PTPRM: variants seen among roughly 807,000 people sequenced by gnomAD.
The protein encoded by PTPRM is receptor-type tyrosine-protein phosphatase mu.
A neutral mutation model predicts 186.7 loss-of-function variants in PTPRM; 47 were observed. The ratio of observed to expected loss-of-function variants is 0.25; its 90% confidence interval spans 0.20 to 0.32. The LOEUF is 0.32. Ranked by LOEUF, PTPRM falls within the 10% of genes least tolerant of loss-of-function variation. The pLI, the probability that PTPRM is intolerant of heterozygous loss-of-function variation, is 1.00. For missense variants in PTPRM, 1,494 were observed against 1,865.0 expected (o/e 0.80, Z 3.66); for synonymous variants, 668 against 674.9 (o/e 0.99, Z 0.16).
At chr18:7,747,734 C>T (rs983988064) in intron 1 of PTPRM, 1 of 152,152 alleles carries the variant, frequency 6.6e-6, no homozygotes, top group Non-Finnish European at 1.5e-5. Context: ...GTCCACCCTA[C>T]TTGATTATGT....
At chr18:7,597,875 T>C (rs1293803429) in intron 1 of PTPRM, among the ~76,000 whole-genome samples, 1 of 152,216 alleles carries the variant, frequency 6.6e-6, no homozygotes, top group Non-Finnish European at 1.5e-5. Flanking sequence ...GTGAAAAGCT[T>C]ACTCCCTAAA....
intron 18 of PTPRM, among the ~76,000 whole-genome samples, chr18:8,252,933 A>C (rs1219905516): frequency 6.6e-6 from 1 of 152,218 alleles, no homozygotes; most frequent in Non-Finnish European, 1.5e-5. Context: ...TTTCAGGTTG[A>C]AACTTTCACA....
intron 7 of PTPRM, among the ~76,000 whole-genome samples, chr18:8,067,831 T>A (rs2089200767): frequency 6.6e-6 from 1 of 152,186 alleles, no homozygotes; most frequent in African/African-American, 2.4e-5. Context: ...GACCCTCTCG[T>A]CTATAGAATT....
intron 14 of PTPRM, among the ~76,000 whole-genome samples, chr18:8,153,493 G>A (rs2093056602): frequency 1.3e-5 from 2 of 152,114 alleles, no homozygotes; most frequent in African/African-American, 2.4e-5. Flanking sequence ...AATCTTAAAA[G>A]GGTTGTCTTC....
At chr18:7,678,598 G>C (rs974024434) in intron 1 of PTPRM, among the ~76,000 whole-genome samples, 1 of 152,070 alleles carries the variant, frequency 6.6e-6, no homozygotes, top group Non-Finnish European at 1.5e-5. Flanking sequence ...GTATACAGAG[G>C]TATATAAATT....
intron 1 of PTPRM, among the ~76,000 whole-genome samples, chr18:7,654,594 G>A (rs572482621): frequency 7.2e-5 from 11 of 152,210 alleles, no homozygotes; most frequent in African/African-American, 2.4e-4. Context: ...TGAGTTTTAC[G>A]TTTAAAGTCT....
chr18:8,087,490 T>G (rs187578231), intron 10 of PTPRM, among the ~76,000 whole-genome samples: 1 of 152,258 alleles, frequency 6.6e-6, no homozygotes, highest in East Asian at 1.9e-4. Flanking sequence ...TTGACCACTT[T>G]CAGCATGCCA....
intron 7 of PTPRM, among the ~76,000 whole-genome samples, chr18:8,002,985 A>G (rs1000335668): frequency 2.6e-5 from 4 of 152,156 alleles, no homozygotes; most frequent in East Asian, 3.8e-4. Flanking sequence ...AAAATTCTCT[A>G]TTAGGACCAA....
intron 1 of PTPRM, among the ~76,000 whole-genome samples, chr18:7,669,732 T>G (rs1049347992): frequency 6.6e-6 from 1 of 151,940 alleles, no homozygotes; most frequent in African/African-American, 2.4e-5. Context: ...TTTTACTTTA[T>G]TTTTTTTGAG....
chr18:7,955,048 A>G, intron 6 of PTPRM, 73 bp from the exon 7 acceptor site: 1 of 1,383,812 alleles, frequency 7.2e-7, no homozygotes, highest in Non-Finnish European at 9.8e-7. Flanking sequence ...CATTTTAATA[A>G]TTGATGCATG....
At chr18:7,761,230 T>C (rs946253026) in intron 1 of PTPRM, among the ~76,000 whole-genome samples, 7 of 152,218 alleles carry the variant, frequency 4.6e-5, no homozygotes, top group Admixed American at 3.9e-4. Context: ...AGCTTCCTTA[T>C]TTAAAAAATT....
At chr18:7,966,731 T>G (rs1331693838) in intron 7 of PTPRM, among the ~76,000 whole-genome samples, 2 of 144,492 alleles carry the variant, frequency 1.4e-5, no homozygotes, top group Non-Finnish European at 3.1e-5. Context: ...CCCACCCGAA[T>G]ACTGCGCTTT....
intron 7 of PTPRM, among the ~76,000 whole-genome samples, chr18:7,965,977 A>G (rs1350996650): frequency 6.6e-6 from 1 of 152,226 alleles, no homozygotes; most frequent in Non-Finnish European, 1.5e-5. Context: ...GAAGTAAGAT[A>G]AATGAGAGCT....
intron 1 of PTPRM, among the ~76,000 whole-genome samples, chr18:7,753,029 G>A (rs986254636): frequency 6.6e-6 from 1 of 152,226 alleles, no homozygotes; most frequent in East Asian, 1.9e-4. Flanking sequence ...TGAACGAGAT[G>A]GGGAGGAGCA....
chr18:8,203,019 T>C (rs2093879565), intron 14 of PTPRM, among the ~76,000 whole-genome samples: 1 of 152,248 alleles, frequency 6.6e-6, no homozygotes, highest in Non-Finnish European at 1.5e-5. Context: ...GTTTGCACTT[T>C]AATTTATAAA....
chr18:7,732,364 T>TG, intron 1 of PTPRM, among the ~76,000 whole-genome samples: 1 of 152,204 alleles, frequency 6.6e-6, no homozygotes, highest in South Asian at 2.1e-4. Flanking sequence ...GATCAGAACT[T>TG]AGTTATGAGA....
intron 1 of PTPRM, among the ~76,000 whole-genome samples, chr18:7,609,664 T>C (rs947654103): frequency 3.5e-4 from 54 of 152,270 alleles, no homozygotes; most frequent in African/African-American, 1.3e-3. Flanking sequence ...TTCCCAGGCA[T>C]GCCTGCAGTT....
chr18:7,765,594 G>T (rs905024300), intron 1 of PTPRM, among the ~76,000 whole-genome samples: 1 of 151,910 alleles, frequency 6.6e-6, no homozygotes, highest in African/African-American at 2.4e-5. Flanking sequence ...CTCACTTTCT[G>T]TTTATCCTTT....
chr18:7,937,245 G>A (rs886932860), intron 5 of PTPRM, among the ~76,000 whole-genome samples: 3 of 152,220 alleles, frequency 2.0e-5, no homozygotes, highest in Non-Finnish European at 4.4e-5. Flanking sequence ...AAGACCTACA[G>A]CCCTTCAGGG....
Sources: gnomAD v4.1 joint callset for allele counts (sites outside exome capture counted in the v4.1 genomes callset) on GRCh38, gnomAD v4.1.1 for gene constraint, MANE v1.5 for transcripts, NCBI Gene and HGNC (gene_info 2026-07-23, HGNC 2026-07-21) for gene names.